The following PPP2R2B variants were observed in gnomAD, a reference collection of about 807,000 sequenced individuals.
The protein encoded by PPP2R2B is serine/threonine-protein phosphatase 2A 55 kDa regulatory subunit B beta isoform.
A neutral mutation model predicts 46.0 loss-of-function variants in PPP2R2B; 5 were observed. The observed-to-expected ratio is 0.11, with a 90% CI of 0.06 to 0.23. The LOEUF (loss-of-function observed/expected upper bound fraction) is 0.23, where lower values mean the gene tolerates loss of function less well. Among genes scored for constraint, PPP2R2B ranks in the 10% least tolerant of loss-of-function variants. PPP2R2B has a pLI of 1.00. For synonymous variants in PPP2R2B, 215 were observed against 206.7 expected (o/e 1.04, Z -0.34); for missense variants, 367 against 575.0 (o/e 0.64, Z 3.70).
intron 2 of PPP2R2B, among the ~76,000 whole-genome samples, chr5:146,776,864 G>T (rs1301810653): frequency 6.6e-6 from 1 of 151,938 alleles, no homozygotes; most frequent in Admixed American, 6.6e-5. Flanking sequence ...TCTTATAAAA[G>T]ATATACAAAT....
intron 2 of PPP2R2B, among the ~76,000 whole-genome samples, chr5:146,709,780 CAA>C (rs1780114509): frequency 6.6e-6 from 1 of 152,180 alleles, no homozygotes; most frequent in African/African-American, 2.4e-5. Context: ...CACTGTTGAA[CAA>C]CTAAAACCTA....
At chr5:147,068,951 T>C (rs934459806) in intron 2 of PPP2R2B, among the ~76,000 whole-genome samples, 2 of 152,094 alleles carry the variant, frequency 1.3e-5, no homozygotes, top group South Asian at 2.1e-4. Flanking sequence ...AAATCACTCA[T>C]GAAACAATAG....
At chr5:146,792,111 T>C (rs554577248) in intron 2 of PPP2R2B, among the ~76,000 whole-genome samples, 140 of 152,152 alleles carry the variant, frequency 9.2e-4, no homozygotes, top group Non-Finnish European at 1.7e-3. Flanking sequence ...TGGGTCTACA[T>C]AGAAAGCAGA....
At chr5:146,914,919 C>T (rs1430279642) in intron 1 of PPP2R2B, among the ~76,000 whole-genome samples, 1 of 152,084 alleles carries the variant, frequency 6.6e-6, no homozygotes, top group African/African-American at 2.4e-5. Context: ...TTTCAGTATT[C>T]GAATCGACAG....
At chr5:147,003,730 C>A (rs1754296777) in intron 1 of PPP2R2B, among the ~76,000 whole-genome samples, 1 of 152,062 alleles carries the variant, frequency 6.6e-6, no homozygotes, top group Non-Finnish European at 1.5e-5. Context: ...CATTTGTTGA[C>A]CTGTGTTCTA....
chr5:146,603,602 C>G (rs1194828242), intron 7 of PPP2R2B, among the ~76,000 whole-genome samples: 6 of 152,192 alleles, frequency 3.9e-5, no homozygotes, highest in African/African-American at 1.4e-4. Flanking sequence ...CTTTGTAGTT[C>G]ATGACATATC....
intron 1 of PPP2R2B, among the ~76,000 whole-genome samples, chr5:147,004,269 GAC>G (rs59015699): frequency 0.26 from 39,532 of 151,960 alleles, 5,907 homozygotes; most frequent in African/African-American, 0.4. Context: ...ATCACTAGAA[GAC>G]ACACTGCCCC....
intron 1 of PPP2R2B, among the ~76,000 whole-genome samples, chr5:146,972,342 A>T (rs760200823): frequency 6.6e-5 from 10 of 152,202 alleles, no homozygotes; most frequent in Non-Finnish European, 8.8e-5. Context: ...AGATGTGTTC[A>T]TGGTAAAGTT....
intron 6 of PPP2R2B, 32 bp from the exon 7 acceptor site, chr5:146,638,447 A>G: frequency 6.5e-7 from 1 of 1,548,002 alleles, no homozygotes; most frequent in Non-Finnish European, 8.8e-7. Flanking sequence ...AGGAACCAGG[A>G]GAAGGAGGCA....
At chr5:146,852,197 G>A (rs1760391059) in intron 2 of PPP2R2B, among the ~76,000 whole-genome samples, 2 of 152,130 alleles carry the variant, frequency 1.3e-5, no homozygotes, top group South Asian at 4.1e-4. Context: ...ACAGGAAGCT[G>A]GGAGAATCTC....
chr5:146,876,289 A>G (rs1334355202), intron 2 of PPP2R2B, among the ~76,000 whole-genome samples: 2 of 152,204 alleles, frequency 1.3e-5, no homozygotes, highest in African/African-American at 2.4e-5. Flanking sequence ...AAAGAATGCC[A>G]TTTTTAACTG....
intron 2 of PPP2R2B, among the ~76,000 whole-genome samples, chr5:146,709,590 G>T (rs1780102256): frequency 6.6e-6 from 1 of 152,196 alleles, no homozygotes; most frequent in African/African-American, 2.4e-5. Flanking sequence ...GGAAGTAAGT[G>T]AGGGAAGGCC....
chr5:146,957,127 C>T (rs181820822), intron 1 of PPP2R2B, among the ~76,000 whole-genome samples: 6 of 152,094 alleles, frequency 3.9e-5, no homozygotes, highest in Admixed American at 3.9e-4. Flanking sequence ...AACATATTGT[C>T]CAATATTTTA....
intron 9 of PPP2R2B, among the ~76,000 whole-genome samples, chr5:146,592,469 G>C (rs530607786): frequency 6.6e-6 from 1 of 152,308 alleles, no homozygotes; most frequent in African/African-American, 2.4e-5. Context: ...ATGAAGCACT[G>C]TTCAAATCAA....
chr5:146,878,280 G>T lies in PPP2R2B; in HGVS notation c.-124-85C>A. 1 of 1,461,800 alleles carries T rather than the reference G, an allele frequency of 6.8e-7. No individual in the cohort carries two copies. The highest frequency in any genetic ancestry group is 9.0e-7 in the Non-Finnish European group (1 of 1,111,846). 90.6% of individuals were successfully genotyped at this position (1,461,800 alleles called of 1,614,324 possible). A position where few individuals can be genotyped will look rare whatever the true frequency, so the allele number is the denominator to read the frequency against. On this transcript the variant is annotated intron_variant, in intron 1 of 9. Transcript: ENST00000394411. This position sits in a 1 kb window ranked among gnomAD's most constrained non-coding sequence, Gnocchi z 4.5. ...ACCTCCTCCACTCGGGTTCTGCGAG[G>T]CTGCGGCGGCTCCTCCCGCGCGGTG...
intron 1 of PPP2R2B, chr5:146,922,211 C>A (rs1434962969): frequency 2.0e-5 from 3 of 152,138 alleles, no homozygotes; most frequent in Non-Finnish European, 2.9e-5. Context: ...TTCTGCATCC[C>A]CTTGGTGGTT....
intron 1 of PPP2R2B, among the ~76,000 whole-genome samples, chr5:147,001,673 T>A (rs1754183184): frequency 6.6e-6 from 1 of 152,112 alleles, no homozygotes; most frequent in South Asian, 2.1e-4. Flanking sequence ...AAGTGGTGAG[T>A]ACCATCGGAC....
chr5:147,028,017 C>A (rs1170251129), intron 1 of PPP2R2B, among the ~76,000 whole-genome samples: 1 of 152,124 alleles, frequency 6.6e-6, no homozygotes, highest in Non-Finnish European at 1.5e-5. Flanking sequence ...AGATGAGACC[C>A]TTGAAGTTGA....
intron 5 of PPP2R2B, among the ~76,000 whole-genome samples, chr5:146,677,530 TCC>T (rs1777818156): frequency 2.8e-5 from 2 of 70,556 alleles, no homozygotes; most frequent in East Asian, 7.6e-4. Context: ...CCTCCCTCCC[TCC>T]CTCCCTCCCT....
Sources: gnomAD v4.1 joint callset for allele counts (sites outside exome capture counted in the v4.1 genomes callset) on GRCh38, gnomAD v4.1.1 for gene constraint, Gnocchi (gnomAD v3.1) non-coding constraint, MANE v1.5 for transcripts, NCBI Gene and HGNC (gene_info 2026-07-23, HGNC 2026-07-21) for gene names.